FRMD4B: variants seen among roughly 807,000 people sequenced by gnomAD.
The protein encoded by FRMD4B is FERM domain-containing protein 4B.
FRMD4B carries 74 observed loss-of-function variants against 141.5 expected under a neutral mutation model. The ratio of observed to expected loss-of-function variants is 0.52; its 90% CI spans 0.43 to 0.63. FRMD4B has a LOEUF of 0.63. Among genes scored for constraint, FRMD4B ranks in the 30% least tolerant of loss-of-function variants. The pLI, the probability that FRMD4B is intolerant of heterozygous loss-of-function variation, is 0.00. For missense variants in FRMD4B, 1,366 were observed against 1,253.4 expected, an observed-to-expected ratio of 1.09 and a Z score of -1.36; for synonymous variants, 506 against 467.9, an observed-to-expected ratio of 1.08 and a Z score of -1.05.
chr3:69,181,589 T>C lies in FRMD4B; in HGVS notation c.2161A>G (p.Ser721Gly), dbSNP rs1559689716. 9 of 1,613,940 alleles carry C rather than the reference T, an allele frequency of 5.6e-6. No homozygotes were observed. The highest frequency in any genetic ancestry group is 7.6e-6 in the Non-Finnish European group (9 of 1,179,834). ...CCGTCATCGAGGATTTCTGTGCTGCTGCTTCTTTGGGATTTGGAGAGGGAG... is the reference window on the plus strand; with the variant it reads ...CCGTCATCGAGGATTTCTGTGCTGCCGCTTCTTTGGGATTTGGAGAGGGAG... ...FFSLSKSQRS[S>G]STEILDDGSS... is the part of the protein sequence containing the mutation. Residue 721 changes from serine to glycine, a missense_variant, in exon 21 of 23, where the codon AGC (serine) becomes GGC (glycine). Transcript: ENST00000398540.
chr3:69,382,968 T>C (rs1438429831), intron 1 of FRMD4B, among the ~76,000 whole-genome samples: 1 of 152,174 alleles, frequency 6.6e-6, no homozygotes, highest in Non-Finnish European at 1.5e-5. Flanking sequence ...CTTTTTACTC[T>C]GTAGGCAAGT....
At position 69,198,758 on chromosome 3, in the gene FRMD4B, T is replaced by C; in HGVS notation, c.893A>G (p.Gln298Arg). 1 of 1,538,676 alleles carries C rather than the reference T, an allele frequency of 6.5e-7. No homozygotes were observed. Among genetic ancestry groups the C allele is most frequent in the South Asian group, 1.2e-5 (1 of 85,148 alleles). The change falls in exon 12 of 23, where the codon CAG becomes CGG. Residue 298 changes from glutamine to arginine, a missense_variant. Gln to Arg is a conservative substitution (Grantham distance 43). Coordinates refer to ENST00000398540, the MANE Select transcript of FRMD4B (RefSeq NM_015123.3). ...VKPRKLFQWKQLENLYFREKK... is the reference protein window; with the variant it reads ...VKPRKLFQWKRLENLYFREKK... ...CTCACGGAAATATAAGTTCTCCAGC[T>C]GTTTCCATTGGAATAACTAAAGAAA... is the stretch of plus-strand genomic sequence containing the variant.
At chr3:69,236,586 T>C (rs557589341) in intron 7 of FRMD4B, among the ~76,000 whole-genome samples, 1 of 152,270 alleles carries the variant, frequency 6.6e-6, no homozygotes, top group East Asian at 1.9e-4. Flanking sequence ...ACTCCAGTCA[T>C]TTTCGGCAGA....
chr3:69,270,787 A>G (rs2093591077), intron 5 of FRMD4B, among the ~76,000 whole-genome samples: 1 of 151,984 alleles, frequency 6.6e-6, no homozygotes, highest in South Asian at 2.1e-4. Context: ...GATGGTCTCG[A>G]TCTCTTGACC....
At chr3:69,482,808 AT>A (rs1339901749) in intron 1 of FRMD4B, among the ~76,000 whole-genome samples, 2 of 152,202 alleles carry the variant, frequency 1.3e-5, no homozygotes, top group African/African-American at 2.4e-5. Context: ...ATAACATCGC[AT>A]CCCAGGGTAA....
At chr3:69,255,990 A>G (rs1394112870) in intron 5 of FRMD4B, among the ~76,000 whole-genome samples, 1 of 152,098 alleles carries the variant, frequency 6.6e-6, no homozygotes, top group Non-Finnish European at 1.5e-5. Flanking sequence ...CCAGCTACTC[A>G]GAAGACTGAG....
chr3:69,454,340 T>C (rs968402884), intron 1 of FRMD4B, among the ~76,000 whole-genome samples: 3 of 152,236 alleles, frequency 2.0e-5, no homozygotes, highest in Non-Finnish European at 4.4e-5. Flanking sequence ...CTGGCCGCAC[T>C]TGAGGAGCAC....
At chr3:69,177,291 A>G (rs1055660669) in intron 21 of FRMD4B, among the ~76,000 whole-genome samples, 1 of 152,180 alleles carries the variant, frequency 6.6e-6, no homozygotes, top group Admixed American at 6.5e-5. Flanking sequence ...GTGAACCAAC[A>G]TCACACCACT....
intron 2 of FRMD4B, among the ~76,000 whole-genome samples, chr3:69,429,180 C>A (rs776539751): frequency 2.6e-5 from 4 of 152,164 alleles, no homozygotes; most frequent in Non-Finnish European, 5.9e-5. Flanking sequence ...ACAAATTGCA[C>A]CCATAATTTT....
intron 5 of FRMD4B, chr3:69,250,324 T>G: frequency 1.0e-5 from 5 of 479,656 alleles, no homozygotes; most frequent in Admixed American, 3.7e-5. Context: ...TGTGTCTATT[T>G]TAAATAGCTG....
intron 5 of FRMD4B, among the ~76,000 whole-genome samples, chr3:69,278,590 G>C (rs1000049796): frequency 1.4e-5 from 2 of 140,028 alleles, no homozygotes; most frequent in Non-Finnish European, 3.1e-5. Flanking sequence ...AGTCACCCCA[G>C]TGGCCCCAAA....
At chr3:69,429,191 G>T (rs1705136624) in intron 2 of FRMD4B, among the ~76,000 whole-genome samples, 1 of 152,132 alleles carries the variant, frequency 6.6e-6, no homozygotes, top group African/African-American at 2.4e-5. Flanking sequence ...CCATAATTTT[G>T]CTATTATAAC....
chr3:69,226,035 T>TC (rs2093251136), intron 7 of FRMD4B, among the ~76,000 whole-genome samples: 1 of 152,050 alleles, frequency 6.6e-6, no homozygotes, highest in Non-Finnish European at 1.5e-5. Flanking sequence ...CCACAAGCAT[T>TC]CCCATGCAGT....
chr3:69,319,105 C>T (rs559011134), intron 1 of FRMD4B, among the ~76,000 whole-genome samples: 2 of 152,344 alleles, frequency 1.3e-5, no homozygotes, highest in South Asian at 2.1e-4. Context: ...TCAACCTCTA[C>T]ACAAACCTAT....
At chr3:69,538,418 T>C (rs1041292742) in intron 1 of FRMD4B, among the ~76,000 whole-genome samples, 1 of 152,208 alleles carries the variant, frequency 6.6e-6, no homozygotes, top group Non-Finnish European at 1.5e-5. Context: ...GTGGCAGTAC[T>C]TTTCAAACTT....
At chr3:69,381,337 T>C (rs1236327615) in intron 1 of FRMD4B, among the ~76,000 whole-genome samples, 1 of 152,188 alleles carries the variant, frequency 6.6e-6, no homozygotes, top group Non-Finnish European at 1.5e-5. Context: ...AAATACCTTA[T>C]GAATAGGTGG....
At chr3:69,265,267 AAAATATATATATATATATATATATAT>A (rs2093554337) in intron 5 of FRMD4B, among the ~76,000 whole-genome samples, 1 of 23,712 alleles carries the variant, frequency 4.2e-5, no homozygotes, top group African/African-American at 1.6e-4. Context: ...AAAAAAAAAA[AAAATATATATATATATATATATATAT>A]ATATATATAT....
Position 69,523,807 on chromosome 3 carries a change from C to G in FRMD4B, c.-129+18399G>C, listed in dbSNP as rs1456395098. Among the ~76,000 whole-genome samples, 6 of 152,058 alleles carry G rather than the reference C, an allele frequency of 3.9e-5. No individual in the cohort carries two copies. In the South Asian group the frequency reaches 6.2e-4, roughly 16 times the overall value. ...CTAAGGATGTGGCTTCCCAGGTGAG[C>G]CAGGAAAAAATGCTGACAATGAAGA... is the stretch of plus-strand genomic sequence containing the variant. On this transcript the variant is annotated intron_variant, in intron 1 of 5. Coordinates refer to the FRMD4B transcript ENST00000459638.
At chr3:69,430,653 A>C (rs773114265) in intron 2 of FRMD4B, among the ~76,000 whole-genome samples, 1 of 152,246 alleles carries the variant, frequency 6.6e-6, no homozygotes, top group Non-Finnish European at 1.5e-5. Flanking sequence ...GAGAGAAGGC[A>C]GGTGAAAAGT....
Sources: gnomAD v4.1 joint callset for allele counts (sites outside exome capture counted in the v4.1 genomes callset) on GRCh38, gnomAD v4.1.1 for gene constraint, MANE v1.5 for transcripts, NCBI Gene and HGNC (gene_info 2026-07-23, HGNC 2026-07-21) for gene names.